SASS6: variants seen among roughly 807,000 people sequenced by gnomAD.
The protein encoded by SASS6 is spindle assembly abnormal protein 6 homolog.
SASS6 carries 59 observed loss-of-function variants against 94.9 expected under a neutral mutation model. That is an observed-to-expected ratio of 0.62 (90% confidence interval 0.50 to 0.77). The LOEUF (loss-of-function observed/expected upper bound fraction) is 0.77, where lower values mean the gene tolerates loss of function less well. SASS6 is among the 30% of genes least tolerant of loss of function. The pLI is 0.00. For missense variants in SASS6, 698 were observed against 734.1 expected (o/e 0.95, Z 0.57); for synonymous variants, 264 against 270.0 (o/e 0.98, Z 0.22).
intron 14 of SASS6, among the ~76,000 whole-genome samples, chr1:100,093,822 T>C (rs1383300246): frequency 6.6e-6 from 1 of 151,818 alleles, no homozygotes; most frequent in Non-Finnish European, 1.5e-5. Flanking sequence ...AAAATACAAA[T>C]ACCAAAATTT....
intron 3 of SASS6, among the ~76,000 whole-genome samples, chr1:100,122,866 T>C (rs931693960): frequency 2.6e-5 from 4 of 152,146 alleles, no homozygotes; most frequent in Non-Finnish European, 5.9e-5. Flanking sequence ...CTATCTTTAA[T>C]TATAATTAGC....
intron 14 of SASS6, among the ~76,000 whole-genome samples, chr1:100,101,359 C>T (rs1652490391): frequency 6.7e-6 from 1 of 150,120 alleles, no homozygotes; most frequent in Non-Finnish European, 1.5e-5. Flanking sequence ...GTTAGGGATA[C>T]ATAATTAAAA....
Position 100,083,994 on chromosome 1 carries a change from T to TAC in SASS6, c.*1332_*1333dup, listed in dbSNP as rs1651036266. On this transcript the variant is annotated 3_prime_UTR_variant, in exon 17 of 17. Transcript: ENST00000287482. ...AATAGCAAGTGCTTTCAAGTTACTG[T>TAC]ACCAAGTATTCTCACTAATACAGTA... is the stretch of plus-strand genomic sequence containing the variant. 1 of 152,020 alleles carries TAC rather than the reference T, an allele frequency of 6.6e-6. No homozygotes were observed. The highest frequency in any genetic ancestry group is 6.6e-5 in the Admixed American group (1 of 15,256). 9.4% of individuals were successfully genotyped at this position (152,020 alleles called of 1,614,324 possible). A position where few individuals can be genotyped will look rare whatever the true frequency, so the allele number is the denominator to read the frequency against.
rs193125603 is a variant in SASS6 at position 100,092,850 on chromosome 1, C to T, written c.1675-4614G>A. On this transcript the variant is annotated intron_variant, in intron 14 of 16. Coordinates refer to ENST00000287482, the MANE Select transcript of SASS6 (RefSeq NM_194292.3). ...TCGGCCTCCCAAAGTGCTTGGATTACAGGCGTAAGGGACCACACCCAGCCC... is the reference window on the plus strand; with the variant it reads ...TCGGCCTCCCAAAGTGCTTGGATTATAGGCGTAAGGGACCACACCCAGCCC... Among the ~76,000 whole-genome samples the T allele has an allele frequency of 4.6e-5, 7 of 152,076 alleles. No individual in the cohort carries two copies. In the East Asian group the frequency reaches 1.2e-3, roughly 25 times the overall value.
chr1:100,106,707 T>C (rs1652937712), intron 12 of SASS6, among the ~76,000 whole-genome samples: 1 of 151,882 alleles, frequency 6.6e-6, no homozygotes, highest in South Asian at 2.1e-4. Context: ...CCCACAAAAT[T>C]AGCTGAGTGT....
Position 100,099,831 on chromosome 1 carries a change from C to T in SASS6, c.1674+3124G>A, listed in dbSNP as rs544597608. Among the ~76,000 whole-genome samples the T allele has an allele frequency of 2.0e-5, 3 of 152,270 alleles. No individual in the cohort carries two copies. In the South Asian group the frequency reaches 6.2e-4, roughly 32 times the overall value. On this transcript the variant is annotated intron_variant, in intron 14 of 16. Transcript: ENST00000287482. ...CCAGACTTTGTTTTTTGGTCCTTAA[C>T]AGTAAACAGAATTGTCTCCCTAAGC...
intron 7 of SASS6, among the ~76,000 whole-genome samples, chr1:100,116,154 T>G (rs1358617270): frequency 6.6e-6 from 1 of 152,160 alleles, no homozygotes; most frequent in Non-Finnish European, 1.5e-5. Flanking sequence ...ATGTTTATAA[T>G]GTACATGATA....
At chr1:100,092,720 C>T (rs1047007515) in intron 14 of SASS6, among the ~76,000 whole-genome samples, 8 of 151,998 alleles carry the variant, frequency 5.3e-5, no homozygotes, top group Non-Finnish European at 1.0e-4. Flanking sequence ...ACACTACAGG[C>T]GCCCACCACC....
intron 13 of SASS6, among the ~76,000 whole-genome samples, chr1:100,104,594 G>A (rs1652751846): frequency 6.6e-6 from 1 of 151,688 alleles, no homozygotes; most frequent in African/African-American, 2.4e-5. Context: ...CGAGTAGCTG[G>A]GATTATAGGC....
At position 100,125,916 on chromosome 1, in the gene SASS6, T is replaced by C; in HGVS notation, c.92A>G (p.Glu31Gly). ...ERRVSIRMSI[E>G]LQSVSNPVHR... Reference sequence around the variant, plus strand: ...AACTGGATTAGAAACTGATTGTAGTTCAATGCTCATTCTTATACTTACTCT... The same window carrying C: ...AACTGGATTAGAAACTGATTGTAGTCCAATGCTCATTCTTATACTTACTCT... Residue 31 changes from glutamate (E) to glycine (G), a missense_variant, in exon 2 of 17, where the codon GAA becomes GGA. Coordinates refer to ENST00000287482, the MANE Select transcript of SASS6 (RefSeq NM_194292.3). 6.4e-7 allele frequency: 1 copy of C among 1,561,830 alleles called. No individual in the cohort carries two copies. The highest frequency in any genetic ancestry group is 1.2e-5 in the South Asian group (1 of 86,612).
At chr1:100,131,680 G>A (rs1381797032) in intron 1 of SASS6, among the ~76,000 whole-genome samples, 1 of 152,002 alleles carries the variant, frequency 6.6e-6, no homozygotes. Flanking sequence ...GCTGGTTTTG[G>A]GACCATCTCC....
chr1:100,128,932 C>T (rs746965350), intron 1 of SASS6, among the ~76,000 whole-genome samples: 2 of 152,064 alleles, frequency 1.3e-5, no homozygotes, highest in Non-Finnish European at 2.9e-5. Context: ...GCTAGGGATA[C>T]AAACAGAAAT....
chr1:100,101,386 G>A (rs748191530), intron 14 of SASS6, among the ~76,000 whole-genome samples: 2 of 150,934 alleles, frequency 1.3e-5, no homozygotes, highest in African/African-American at 2.4e-5. Flanking sequence ...GGAGATCACC[G>A]ATACAGGAAA....
At chr1:100,093,082 A>G (rs1445175069) in intron 14 of SASS6, among the ~76,000 whole-genome samples, 1 of 152,094 alleles carries the variant, frequency 6.6e-6, no homozygotes, top group Non-Finnish European at 1.5e-5. Context: ...TATGTATATT[A>G]TAATGCCTGG....
intron 7 of SASS6, among the ~76,000 whole-genome samples, chr1:100,115,070 C>G (rs1653682191): frequency 6.6e-6 from 1 of 151,914 alleles, no homozygotes; most frequent in South Asian, 2.1e-4. Context: ...GATAAAAATT[C>G]CACTATTATT....
At chr1:100,112,547 C>G (rs1411532667) in intron 7 of SASS6, among the ~76,000 whole-genome samples, 1 of 152,094 alleles carries the variant, frequency 6.6e-6, no homozygotes, top group African/African-American at 2.4e-5. Flanking sequence ...ATGCAAGAAT[C>G]AAATTTGCCC....
In SASS6 at chr1:100,102,623, A is replaced by G. The variant is rs1245543510; in HGVS notation, c.1674+332T>C. On this transcript the variant is annotated intron_variant, in intron 14 of 16. Transcript: ENST00000287482. ...AACCCAGGAGGCAGAGGCTGCAGTG[A>G]GCTGAGATTACACCACTGCACTCCA... 7.4e-5 allele frequency among the ~76,000 whole-genome samples: 11 copies of G among 148,662 alleles called. No individual in the cohort carries two copies. The Admixed American group carries it at 7.5e-4, about 10-fold the overall frequency.
chr1:100,104,984 G>C (rs1329582206), intron 13 of SASS6, among the ~76,000 whole-genome samples: 1 of 151,960 alleles, frequency 6.6e-6, no homozygotes, highest in African/African-American at 2.4e-5. Context: ...CTGGGAGCTA[G>C]AAAGTTTATA....
intron 8 of SASS6, 126 bp from the exon 9 acceptor site, chr1:100,108,130 A>AT (rs926807997): frequency 1.5e-4 from 80 of 516,482 alleles, no homozygotes; most frequent in South Asian, 2.3e-4. Context: ...TTTAGTACAG[A>AT]TTTTTTTTTA....
Sources: allele counts gnomAD v4.1 joint callset (sites outside exome capture counted in the v4.1 genomes callset), GRCh38; gene constraint gnomAD v4.1.1; transcripts MANE v1.5; gene names NCBI Gene and HGNC (gene_info 2026-07-23, HGNC 2026-07-21).